The following ANKDD1A variants were observed in gnomAD, a reference collection of about 807,000 sequenced individuals.
ANKDD1A encodes ankyrin repeat and death domain-containing protein 1A.
In ANKDD1A, 59 loss-of-function variants were observed where a neutral mutation model predicts 63.5. That is an observed-to-expected ratio of 0.93 (90% confidence interval 0.75 to 1.15). The LOEUF (loss-of-function observed/expected upper bound fraction) is 1.15, where lower values mean the gene tolerates loss of function less well. Among genes scored for constraint, ANKDD1A ranks in the 50% most tolerant of loss-of-function variants. The pLI, the probability that ANKDD1A is intolerant of heterozygous loss-of-function variation, is 0.00. For missense variants in ANKDD1A, 632 were observed against 656.4 expected (o/e 0.96, Z 0.41); for synonymous variants, 266 against 263.9 (o/e 1.01, Z -0.08).
At chr15:64,933,923 A>G (rs1011823913) in intron 8 of ANKDD1A, among the ~76,000 whole-genome samples, 1 of 152,138 alleles carries the variant, frequency 6.6e-6, no homozygotes, top group Non-Finnish European at 1.5e-5. Context: ...TGAGTTTGTG[A>G]TAGGAGGTGA....
chr15:64,943,667 C>A, intron 11 of ANKDD1A, 85 bp downstream of exon 11: 1 of 1,258,768 alleles, frequency 7.9e-7, no homozygotes, highest in Non-Finnish European at 1.2e-6. Context: ...CCCCTCCCTC[C>A]TCCTTCTCAG....
At chr15:64,921,751 TAA>T (rs57765921) in intron 3 of ANKDD1A, among the ~76,000 whole-genome samples, 168 bp from the exon 4 acceptor site, 9 of 146,644 alleles carry the variant, frequency 6.1e-5, no homozygotes, top group African/African-American at 2.2e-4. Context: ...AGCCTCTATT[TAA>T]AAAAAAAAAA....
intron 9 of ANKDD1A, among the ~76,000 whole-genome samples, chr15:64,936,844 TA>T (rs68133319): frequency 0.028 from 4,246 of 152,102 alleles, 197 homozygotes; most frequent in African/African-American, 0.097. Flanking sequence ...ACCTTATCTC[TA>T]AAAAAAATTT....
chr15:64,953,991 CTT>C (rs1194547864), intron 14 of ANKDD1A, among the ~76,000 whole-genome samples: 1 of 122,138 alleles, frequency 8.2e-6, no homozygotes, highest in African/African-American at 3.1e-5. Flanking sequence ...TATCTTCTTC[CTT>C]TCTTTCCTTT....
chr15:64,918,926 C>T (rs1388153578), intron 3 of ANKDD1A, among the ~76,000 whole-genome samples: 6 of 151,878 alleles, frequency 4.0e-5, no homozygotes, highest in Admixed American at 6.6e-5. Flanking sequence ...TGCACTCCAA[C>T]CTGGGTGACA....
At chr15:64,951,788 CCTTCTTTCTTTCCTCTTTT>C (rs1452370217) in intron 14 of ANKDD1A, among the ~76,000 whole-genome samples, 3 of 130,012 alleles carry the variant, frequency 2.3e-5, no homozygotes, top group African/African-American at 5.7e-5. Context: ...CTTTCTTCTT[CCTTCTTTCTTTCCTCTTTT>C]CTTCTTTCTT....
At chr15:64,953,726 CT>C (rs2085357460) in intron 14 of ANKDD1A, among the ~76,000 whole-genome samples, 2 of 28,878 alleles carry the variant, frequency 6.9e-5, no homozygotes. Context: ...TCTTCTCCTT[CT>C]TCTCCTCCTT....
rs1479305400 is a variant in ANKDD1A, at chr15:64,926,067, ATGGCC to A, written c.371_375del (p.Gly124AspfsTer43). 6.2e-7 allele frequency: 1 copy of A among 1,612,840 alleles called. No homozygotes were observed. Among genetic ancestry groups the A allele is most frequent in the East Asian group, 2.2e-5 (1 of 44,860 alleles). On this transcript the variant is annotated frameshift_variant and splice_region_variant, in exon 5 of 15. Transcript: ENST00000319580. LOFTEE classifies it high-confidence loss of function. The stretch of plus-strand genomic sequence containing the variant: ...GAACCCTCCTGCACTTGTTTCCAGG[ATGGCC>A]TGACCTTACTGCACTGCGCAGCCCA...
chr15:64,934,359 G>T (rs2085111282), intron 9 of ANKDD1A, 125 bp downstream of exon 9: 4 of 756,242 alleles, frequency 5.3e-6, no homozygotes, highest in South Asian at 4.2e-5. Flanking sequence ...AGGAGTAGGG[G>T]AGCCGGCAGC....
chr15:64,942,274 A>C (rs1339342243), intron 9 of ANKDD1A, among the ~76,000 whole-genome samples, 193 bp from the exon 10 acceptor site: 3 of 152,218 alleles, frequency 2.0e-5, no homozygotes, highest in African/African-American at 7.2e-5. Flanking sequence ...ACCCATCTAG[A>C]GGATCAGTTT....
chr15:64,942,353 A>C, intron 9 of ANKDD1A, 114 bp from the exon 10 acceptor site: 1 of 711,962 alleles, frequency 1.4e-6, no homozygotes, highest in Non-Finnish European at 2.2e-6. Flanking sequence ...AAGAAGCTAA[A>C]AGGGCCAAAC....
At chr15:64,954,876 TCCTTCTCCTCCTC>T (rs2085400619) in intron 14 of ANKDD1A, among the ~76,000 whole-genome samples, 8 of 24,844 alleles carry the variant, frequency 3.2e-4, no homozygotes, top group Non-Finnish European at 2.1e-3. Flanking sequence ...CTTTTCTTCT[TCCTTCTCCTCCTC>T]CTTCTTCCTT....
chr15:64,956,397 A>C (rs1192673260), intron 14 of ANKDD1A, among the ~76,000 whole-genome samples: 4 of 152,106 alleles, frequency 2.6e-5, no homozygotes, highest in African/African-American at 7.2e-5. Context: ...AAAATACAAA[A>C]AATTAGCCAG....
rs149369149 is a variant in ANKDD1A at position 64,921,167 on chromosome 15, G to T, written c.268-754G>T. 1.1e-4 allele frequency among the ~76,000 whole-genome samples: 16 copies of T among 151,720 alleles called. No homozygotes were observed. In the East Asian group the frequency reaches 3.1e-3, roughly 30 times the overall value. ...TACGAAAATGTCTGTAGAGATGGGG[G>T]TCCCCCTATTTTGCCCAGTCTGGTT... On this transcript the variant is annotated intron_variant, in intron 3 of 14. Coordinates refer to ENST00000319580, the MANE Select transcript of ANKDD1A (RefSeq NM_182703.6).
At position 64,931,499 on chromosome 15, in the gene ANKDD1A, G is replaced by T; in HGVS notation, c.682G>T (p.Ala228Ser). The T allele has an allele frequency of 1.9e-6, 3 of 1,613,870 alleles. No individual in the cohort carries two copies. Among genetic ancestry groups the T allele is most frequent in the East Asian group, 2.2e-5 (1 of 44,864 alleles). Reference protein sequence around the residue: ...LEEQNAEGLTALHSAAGGSHP... With the variant: ...LEEQNAEGLTSLHSAAGGSHP... ...TTGTGTGTTGCAGGAAGGTCTGACT[G>T]CCCTGCATTCGGCTGCTGGAGGATC... Residue 228 changes from alanine (A) to serine (S), a missense_variant, in exon 8 of 15, where the codon GCC (alanine) becomes TCC (serine). Ala to Ser is a moderately conservative substitution (Grantham distance 99). Coordinates refer to ENST00000319580, the MANE Select transcript of ANKDD1A (RefSeq NM_182703.6).
chr15:64,953,413 C>A (rs2085339069), intron 14 of ANKDD1A, among the ~76,000 whole-genome samples: 1 of 69,548 alleles, frequency 1.4e-5, no homozygotes, highest in Non-Finnish European at 3.5e-5. Context: ...TCTTCTCCTC[C>A]TCCTCCCTTC....
chr15:64,923,590 C>A (rs1411315355), intron 4 of ANKDD1A, among the ~76,000 whole-genome samples: 5 of 152,090 alleles, frequency 3.3e-5, no homozygotes, highest in Admixed American at 3.3e-4. Context: ...TTGTTAGGAT[C>A]CTGTTGGCAG....
intron 14 of ANKDD1A, among the ~76,000 whole-genome samples, chr15:64,956,580 A>T (rs1379608590): frequency 6.6e-6 from 1 of 152,044 alleles, no homozygotes; most frequent in Non-Finnish European, 1.5e-5. Flanking sequence ...AAAGAGACAG[A>T]GTTTCACGCT....
At chr15:64,926,266 C>A in intron 5 of ANKDD1A, 96 bp downstream of exon 5, 1 of 1,244,432 alleles carries the variant, frequency 8.0e-7, no homozygotes, top group Non-Finnish European at 1.1e-6. Flanking sequence ...TTGGGTGCAT[C>A]CTTTGATCTG....
Sources: allele counts gnomAD v4.1 joint callset (sites outside exome capture counted in the v4.1 genomes callset), GRCh38; gene constraint gnomAD v4.1.1; transcripts MANE v1.5; gene names NCBI Gene and HGNC (gene_info 2026-07-23, HGNC 2026-07-21).